PPP2R2C: variants seen among roughly 807,000 people sequenced by gnomAD.
The protein encoded by PPP2R2C is protein phosphatase 2, regulatory subunit B, gamma.
Under a neutral mutation model 45.3 loss-of-function variants are expected in PPP2R2C, and 10 were observed. The ratio of observed to expected loss-of-function variants is 0.22; its 90% CI spans 0.14 to 0.37. The LOEUF (loss-of-function observed/expected upper bound fraction) is 0.37. Among genes scored for constraint, PPP2R2C ranks in the 10% least tolerant of loss-of-function variants. The pLI, the probability that PPP2R2C is intolerant of heterozygous loss-of-function variation, is 1.00. For missense variants in PPP2R2C, 308 were observed against 619.7 expected, an observed-to-expected ratio of 0.50 and a Z score of 5.34; for synonymous variants, 257 against 245.4, an observed-to-expected ratio of 1.05 and a Z score of -0.44.
At chr4:6,494,993 C>T (rs900924752) in intron 2 of PPP2R2C, among the ~76,000 whole-genome samples, 3 of 152,204 alleles carry the variant, frequency 2.0e-5, no homozygotes, top group Admixed American at 6.5e-5. Flanking sequence ...GGAAGCTGTC[C>T]ACGCAGCGAG....
intron 2 of PPP2R2C, chr4:6,379,978 A>AACTTCTCTTCTCCT (rs1715651980): frequency 1.7e-5 from 2 of 115,330 alleles, no homozygotes; most frequent in Non-Finnish European, 3.6e-5. Context: ...CCCCTTCTCC[A>AACTTCTCTTCTCCT]CCTTCTCTTC....
At chr4:6,509,257 G>A (rs970086843) in intron 2 of PPP2R2C, among the ~76,000 whole-genome samples, 1 of 152,170 alleles carries the variant, frequency 6.6e-6, no homozygotes, top group South Asian at 2.1e-4. Context: ...GAAAACAAAG[G>A]AGGAAATCTG....
chr4:6,378,750 A>G lies in PPP2R2C; in HGVS notation c.169-178T>C, dbSNP rs1232468149. Among the ~76,000 whole-genome samples the G allele has an allele frequency of 1.3e-5, 2 of 152,154 alleles. No individual in the cohort carries two copies. Among genetic ancestry groups the G allele is most frequent in the African/African-American group, 4.8e-5 (2 of 41,430 alleles). ...ACCGGCCCATGACTTGCAGTGTGCCAGGGACAAGCCCCGCTCCCGTGCGGT... is the reference window on the plus strand; with the variant it reads ...ACCGGCCCATGACTTGCAGTGTGCCGGGGACAAGCCCCGCTCCCGTGCGGT... On this transcript the variant is annotated intron_variant, in intron 2 of 8. Coordinates refer to ENST00000382599, the MANE Select transcript of PPP2R2C (RefSeq NM_020416.4). This position sits in a 1 kb window ranked among gnomAD's most constrained non-coding sequence, Gnocchi z 5.2.
At chr4:6,421,862 G>T (rs1432486673) in intron 1 of PPP2R2C, among the ~76,000 whole-genome samples, 1 of 152,176 alleles carries the variant, frequency 6.6e-6, no homozygotes, top group Non-Finnish European at 1.5e-5. Context: ...GGCCAGGTCT[G>T]CTTACCTTCA....
At chr4:6,551,819 C>T (rs941656147) in intron 1 of PPP2R2C, among the ~76,000 whole-genome samples, 4 of 152,226 alleles carry the variant, frequency 2.6e-5, no homozygotes, top group Admixed American at 6.5e-5. Context: ...CACCAACAAG[C>T]GACCTCGGTG....
In PPP2R2C at chr4:6,333,460, G is replaced by A. The variant is rs937875920; in HGVS notation, c.960+102C>T. ...GCCTCCGTGTCTTCACCTACATACC[G>A]GGCATATGAAAGCCACGCCTGGCTA... On this transcript the variant is annotated intron_variant, in intron 7 of 8. Coordinates refer to ENST00000382599, the MANE Select transcript of PPP2R2C (RefSeq NM_020416.4). The A allele has an allele frequency of 3.7e-6, 5 of 1,336,476 alleles. No homozygotes were observed. In the South Asian group the frequency reaches 4.3e-5, roughly 11 times the overall value. 82.8% of individuals were successfully genotyped at this position (1,336,476 alleles called of 1,614,324 possible). A position where few individuals can be genotyped will look rare whatever the true frequency, so the allele number is the denominator to read the frequency against.
At chr4:6,389,620 C>G (rs939054741) in intron 1 of PPP2R2C, among the ~76,000 whole-genome samples, 3 of 152,160 alleles carry the variant, frequency 2.0e-5, no homozygotes, top group African/African-American at 7.2e-5. Flanking sequence ...TGGGGAGCCC[C>G]CTCCTCACGG....
chr4:6,371,323 G>C (rs1315247384), intron 5 of PPP2R2C, among the ~76,000 whole-genome samples: 1 of 152,214 alleles, frequency 6.6e-6, no homozygotes, highest in East Asian at 1.9e-4. Context: ...GGGGTCTCTG[G>C]CTGTGCCTGG....
chr4:6,391,366 T>C (rs547501185), intron 1 of PPP2R2C, among the ~76,000 whole-genome samples: 1 of 152,250 alleles, frequency 6.6e-6, no homozygotes, highest in Admixed American at 6.5e-5. Context: ...GGACGAGCCA[T>C]GGCAGGCGCT....
chr4:6,378,228 G>A lies in PPP2R2C; in HGVS notation c.334+179C>T, dbSNP rs141425636. 1.6e-3 allele frequency: 1,298 copies of A among 816,622 alleles called. 10 individuals carry two copies. In the African/African-American group the frequency reaches 0.023, roughly 14 times the overall value. The allele number at this position is 816,622 out of a possible 1,614,324, so 50.6% of individuals were successfully genotyped here. ...AGCCCTGTGTCCAGACACAGGGAGC[G>A]TCTGAGGGGGTCTGGCATACTCACT... On this transcript the variant is annotated intron_variant, in intron 3 of 8. Coordinates refer to ENST00000382599, the MANE Select transcript of PPP2R2C (RefSeq NM_020416.4). This position sits in a 1 kb window ranked among gnomAD's most constrained non-coding sequence, Gnocchi z 5.2.
At chr4:6,549,212 A>T (rs1725097779) in intron 1 of PPP2R2C, among the ~76,000 whole-genome samples, 1 of 152,136 alleles carries the variant, frequency 6.6e-6, no homozygotes. Context: ...TGCCCCATAC[A>T]GCAGGCAGAC....
chr4:6,538,410 C>T (rs1303287715), intron 1 of PPP2R2C, among the ~76,000 whole-genome samples: 1 of 152,110 alleles, frequency 6.6e-6, no homozygotes, highest in Non-Finnish European at 1.5e-5. Flanking sequence ...AGTTCATCGT[C>T]CCCAGCGACG....
In PPP2R2C at chr4:6,328,187, C is replaced by T. The variant is rs780592321; in HGVS notation, c.1052+1075G>A. On this transcript the variant is annotated intron_variant, in intron 8 of 8. Coordinates refer to ENST00000382599, the MANE Select transcript of PPP2R2C (RefSeq NM_020416.4). The surrounding 1 kb of genome is among the most constrained non-coding windows in gnomAD (Gnocchi z 4.4). ...CCCAAGTCAGGGCTGCTGGCTCTCA[C>T]TCCACCCTCCTTGCCCACCACACTG... Among the ~76,000 whole-genome samples the T allele has an allele frequency of 3.3e-5, 5 of 152,344 alleles. No homozygotes were observed. Among genetic ancestry groups the T allele is most frequent in the Middle Eastern group, 3.4e-3 (1 of 294 alleles).
In PPP2R2C at chr4:6,331,310, A is replaced by G. The variant is rs1031769753; in HGVS notation, c.961-1957T>C. On this transcript the variant is annotated intron_variant, in intron 7 of 8. Coordinates refer to ENST00000382599, the MANE Select transcript of PPP2R2C (RefSeq NM_020416.4). This position sits in a 1 kb window ranked among gnomAD's most constrained non-coding sequence, Gnocchi z 5.9. ...TTGCTGGCTCTGTCACAGATTTGCC[A>G]TTTAACTCAATTGTCTTCCAATAAA... Among the ~76,000 whole-genome samples the G allele has an allele frequency of 4.6e-5, 7 of 152,138 alleles. No homozygotes were observed. Among genetic ancestry groups the G allele is most frequent in the Admixed American group, 2.0e-4 (3 of 15,284 alleles).
intron 2 of PPP2R2C, among the ~76,000 whole-genome samples, chr4:6,487,749 C>T (rs545963676): frequency 4.6e-5 from 7 of 151,972 alleles, no homozygotes; most frequent in Non-Finnish European, 8.8e-5. Context: ...TGTGGGTGTA[C>T]CATGTTCATC....
intron 1 of PPP2R2C, among the ~76,000 whole-genome samples, chr4:6,562,474 G>GT (rs958760194): frequency 1.4e-4 from 6 of 43,912 alleles, no homozygotes; most frequent in Non-Finnish European, 3.5e-4. Flanking sequence ...GAGTCGGGGG[G>GT]GGGGGTTGGA....
chr4:6,512,596 G>GTGGTGGTGGTGATGGTGA (rs1723691662), intron 2 of PPP2R2C, among the ~76,000 whole-genome samples: 2 of 123,030 alleles, frequency 1.6e-5, no homozygotes, highest in African/African-American at 7.5e-5. Flanking sequence ...GATGGTGATG[G>GTGGTGGTGGTGATGGTGA]TGGTGGTGGT....
At chr4:6,454,914 G>A (rs1056334374) in intron 1 of PPP2R2C, among the ~76,000 whole-genome samples, 1 of 152,158 alleles carries the variant, frequency 6.6e-6, no homozygotes, top group Non-Finnish European at 1.5e-5. Context: ...CACCATCATC[G>A]CTATTATTTT....
Position 6,384,755 on chromosome 4 carries a change from A to C in PPP2R2C, c.71-3661T>G, listed in dbSNP as rs1028795421. The C allele has an allele frequency of 1.5e-5, 15 of 985,270 alleles. No individual in the cohort carries two copies. In the African/African-American group the frequency reaches 2.3e-4, roughly 15 times the overall value. 61.0% of individuals were successfully genotyped at this position (985,270 alleles called of 1,614,324 possible). On this transcript the variant is annotated intron_variant, in intron 1 of 8. Transcript: ENST00000382599. Reference sequence around the variant, plus strand: ...ATTTTCATATCTGCTACCTCCTTTAACCTCACGCCAGCCCCTGCGGGAGAC... The same window carrying C: ...ATTTTCATATCTGCTACCTCCTTTACCCTCACGCCAGCCCCTGCGGGAGAC...
Sources: allele counts gnomAD v4.1 joint callset (sites outside exome capture counted in the v4.1 genomes callset), GRCh38; gene constraint gnomAD v4.1.1; non-coding constraint Gnocchi (gnomAD v3.1); transcripts MANE v1.5; gene names NCBI Gene and HGNC (gene_info 2026-07-23, HGNC 2026-07-21).